The following GJD4 variants were observed in gnomAD, a reference collection of about 807,000 sequenced individuals.
GJD4 encodes the protein gap junction delta-4 protein.
Under a neutral mutation model 17.9 loss-of-function variants are expected in GJD4, and 18 were observed. The ratio of observed to expected loss-of-function variants is 1.00; its 90% CI spans 0.69 to 1.49. The LOEUF is 1.49. GJD4 is among the 40% of genes most tolerant of loss of function. The pLI, the probability that GJD4 is intolerant of heterozygous loss-of-function variation, is 0.00. For synonymous variants in GJD4, 293 were observed against 236.8 expected (o/e 1.24, Z -2.18); for missense variants, 639 against 506.9 (o/e 1.26, Z -2.50).
chr10:35,607,557 T>G lies in GJD4; in HGVS notation c.65-21T>G, dbSNP rs199615699. Reference sequence around the variant, plus strand: ...CAGTGTATTCGGGGTGATGAGGCCATGCCCGCTTCCTCTCTTCCAGGAAAG... The same window carrying G: ...CAGTGTATTCGGGGTGATGAGGCCAGGCCCGCTTCCTCTCTTCCAGGAAAG... On this transcript the variant is annotated intron_variant, in intron 1 of 1. Transcript: ENST00000321660. The G allele has an allele frequency of 3.5e-5, 55 of 1,585,822 alleles. 1 individual carries two copies. The East Asian group carries it at 1.1e-3, about 30-fold the overall frequency.
chr10:35,605,718 T>A, intron 1 of GJD4, 87 bp downstream of exon 1: 2 of 1,069,850 alleles, frequency 1.9e-6, no homozygotes, highest in Non-Finnish European at 2.9e-6. Flanking sequence ...GTCCAGGTAT[T>A]TACTCATTTT....
chr10:35,608,664 T>A lies in GJD4; in HGVS notation c.*38T>A. 1 of 1,416,610 alleles carries A rather than the reference T, an allele frequency of 7.1e-7. No homozygotes were observed. Among genetic ancestry groups the A allele is most frequent in the South Asian group, 1.5e-5 (1 of 67,360 alleles). The allele number at this position is 1,416,610 out of a possible 1,614,324, so 87.8% of individuals were successfully genotyped here. A position where few individuals can be genotyped will look rare whatever the true frequency, so the allele number is the denominator to read the frequency against. On this transcript the variant is annotated 3_prime_UTR_variant, in exon 2 of 2. Transcript: ENST00000321660. ...CTGGCGGTGCCCCGGGGCTCACGCC[T>A]GTAATCCCAACACTTTGGGAGGCCC...
In GJD4 at chr10:35,608,095, G is replaced by T. The variant is rs754768023; in HGVS notation, c.582G>T (p.Lys194Asn). 6 of 1,609,716 alleles carry T rather than the reference G, an allele frequency of 3.7e-6. No homozygotes were observed. Among genetic ancestry groups the T allele is most frequent in the Non-Finnish European group, 5.1e-6 (6 of 1,178,212 alleles). ...VDCYVSRPTE[K>N]SLLMLFLWAV... ...GCTACGTGTCGCGGCCCACAGAGAA[G>T]TCCCTGCTGATGCTGTTCCTCTGGG... The change falls in exon 2 of 2, where the codon AAG becomes AAT. Residue 194 changes from lysine (K) to asparagine (N), a missense_variant. Coordinates refer to ENST00000321660, the MANE Select transcript of GJD4 (RefSeq NM_153368.3).
intron 1 of GJD4, chr10:35,607,377 G>A (rs915897773): frequency 5.1e-6 from 3 of 587,474 alleles, no homozygotes; most frequent in Non-Finnish European, 9.1e-6. Flanking sequence ...CTTGAGGCCA[G>A]GAGTTCAAGA....
Position 35,608,463 on chromosome 10 carries a change from A to G in GJD4, c.950A>G (p.Glu317Gly). The stretch of plus-strand genomic sequence containing the variant: ...CAGCCCCGGGGCAGGCCCCACCGAG[A>G]GGCCGCCCAGGACCCCAGGGGCTCA... ...GRQPRGRPHR[E>G]AAQDPRGSGS... The change falls in exon 2 of 2, where the codon GAG becomes GGG. Residue 317 changes from glutamate (E) to glycine (G), a missense_variant. Physicochemically the swap from Glu to Gly is moderately conservative, Grantham distance 98. Coordinates refer to ENST00000321660, the MANE Select transcript of GJD4 (RefSeq NM_153368.3). 6.5e-7 allele frequency: 1 copy of G among 1,548,066 alleles called. No individual in the cohort carries two copies. The highest frequency in any genetic ancestry group is 8.7e-7 in the Non-Finnish European group (1 of 1,146,780).
In GJD4 at chr10:35,608,598, T is replaced by G; in HGVS notation, c.1085T>G (p.Leu362Arg). 6.6e-7 allele frequency: 1 copy of G among 1,521,114 alleles called. No homozygotes were observed. Among genetic ancestry groups the G allele is most frequent in the East Asian group, 2.3e-5 (1 of 42,726 alleles). 94.2% of individuals were successfully genotyped at this position (1,521,114 alleles called of 1,614,324 possible). The change falls in exon 2 of 2, where the codon CTG (leucine) becomes CGG (arginine). Residue 362 changes from leucine to arginine, a missense_variant. Coordinates refer to ENST00000321660, the MANE Select transcript of GJD4 (RefSeq NM_153368.3). ...PPASSSGAPH[L>R]RARKSEWV ...GCCAGCTCCAGTGGTGCTCCCCACC[T>G]GAGAGCCAGGAAGTCTGAGTGGGTG...
At chr10:35,607,556 A>G (rs999720017) in intron 1 of GJD4, 22 bp from the exon 2 acceptor site, 3 of 1,583,308 alleles carry the variant, frequency 1.9e-6, no homozygotes, top group Non-Finnish European at 2.6e-6. Flanking sequence ...TGATGAGGCC[A>G]TGCCCGCTTC....
At position 35,607,898 on chromosome 10, in the gene GJD4, G is replaced by C. The variant is rs747259722; in HGVS notation, c.385G>C (p.Gly129Arg). ...SGQRRCPRPF[G>R]ERGGLQVPDF... is the part of the protein sequence containing the mutation. ...GCAGAGACGCTGCCCGCGGCCATTCGGGGAGCGCGGCGGCCTCCAGGTGCC... is the reference window on the plus strand; with the variant it reads ...GCAGAGACGCTGCCCGCGGCCATTCCGGGAGCGCGGCGGCCTCCAGGTGCC... The change falls in exon 2 of 2, where the codon GGG becomes CGG. Residue 129 changes from glycine to arginine, a missense_variant. Physicochemically the swap from Gly to Arg is moderately radical, Grantham distance 125. Coordinates refer to ENST00000321660, the MANE Select transcript of GJD4 (RefSeq NM_153368.3). The C allele has an allele frequency of 1.0e-5, 16 of 1,594,394 alleles. No individual in the cohort carries two copies. Among genetic ancestry groups the C allele is most frequent in the South Asian group, 2.2e-5 (2 of 89,562 alleles).
At position 35,607,846 on chromosome 10, in the gene GJD4, C is replaced by G; in HGVS notation, c.333C>G (p.Cys111Trp). Reference sequence around the variant, plus strand: ...TCGCCGCGCTGGGCCCCCGCCGCTGCCCCGACCCCCGGGAGCCGGCCTCCG... The same window carrying G: ...TCGCCGCGCTGGGCCCCCGCCGCTGGCCCGACCCCCGGGAGCCGGCCTCCG... ...ATLAALGPRR[C>W]PDPREPASGQ... Residue 111 changes from cysteine (C) to tryptophan (W), a missense_variant, in exon 2 of 2, where the codon TGC becomes TGG. Transcript: ENST00000321660. The G allele has an allele frequency of 6.3e-7, 1 of 1,599,688 alleles. No individual in the cohort carries two copies. Among genetic ancestry groups the G allele is most frequent in the African/African-American group, 1.3e-5 (1 of 74,848 alleles).
At position 35,607,715 on chromosome 10, in the gene GJD4, G is replaced by A. The variant is rs776377605; in HGVS notation, c.202G>A (p.Val68Ile). 1.2e-6 allele frequency: 2 copies of A among 1,613,942 alleles called. No individual in the cohort carries two copies. Among genetic ancestry groups the A allele is most frequent in the South Asian group, 1.1e-5 (1 of 91,086 alleles). Reference protein sequence around the residue: ...QPGCANVCYDVFSPVSHLRFW... With the variant: ...QPGCANVCYDIFSPVSHLRFW... ...GGGATGCGCCAATGTTTGCTACGAC[G>A]TCTTCTCCCCCGTGTCTCACCTGCG... The change falls in exon 2 of 2, where the codon GTC becomes ATC. Residue 68 changes from valine to isoleucine, a missense_variant. Coordinates refer to ENST00000321660, the MANE Select transcript of GJD4 (RefSeq NM_153368.3).
chr10:35,608,535 C>A lies in GJD4; in HGVS notation c.1022C>A (p.Pro341His), dbSNP rs777579109. The A allele has an allele frequency of 1.3e-5, 20 of 1,557,816 alleles. No homozygotes were observed. In the African/African-American group the frequency reaches 2.0e-4, roughly 16 times the overall value. ...GCAGCCCCCAGCCGCCTGGCCGCGC[C>A]CCCTTCCTGCAGCAGCCTGCAGCCC... ...PSAAPSRLAAPPSCSSLQPPD... is the reference protein window; with the variant it reads ...PSAAPSRLAAHPSCSSLQPPD... The change falls in exon 2 of 2, where the codon CCC becomes CAC. Residue 341 changes from proline to histidine, a missense_variant. By Grantham distance (77) the Pro-to-His change is moderately conservative (BLOSUM62 -2). Coordinates refer to ENST00000321660, the MANE Select transcript of GJD4 (RefSeq NM_153368.3).
In GJD4 at chr10:35,605,902, A is replaced by C. The variant is rs144222838; in HGVS notation, c.64+271A>C. ...CTCTCACAGATCATCCTGTGCTGAC[A>C]CTGGGGTGCTGACTCCAAAGACCAA... On this transcript the variant is annotated intron_variant, in intron 1 of 1. Coordinates refer to ENST00000321660, the MANE Select transcript of GJD4 (RefSeq NM_153368.3). 94 of 469,274 alleles carry C rather than the reference A, an allele frequency of 2.0e-4. 1 individual carries two copies. In the East Asian group the frequency reaches 3.5e-3, roughly 17 times the overall value. The allele number at this position is 469,274 out of a possible 1,614,324, so 29.1% of individuals were successfully genotyped here.
Position 35,605,547 on chromosome 10 carries a change from A to G in GJD4, c.-21A>G, listed in dbSNP as rs1804426045. 1.2e-6 allele frequency: 2 copies of G among 1,609,418 alleles called. No individual in the cohort carries two copies. Among genetic ancestry groups the G allele is most frequent in the Non-Finnish European group, 8.5e-7 (1 of 1,175,768 alleles). Reference sequence around the variant, plus strand: ...CCCTCCAGTGTCTCCTGCAGCCTGGAGCCTGGGACATTCTGGAAGCATGGA... The same window carrying G: ...CCCTCCAGTGTCTCCTGCAGCCTGGGGCCTGGGACATTCTGGAAGCATGGA... On this transcript the variant is annotated 5_prime_UTR_variant, in exon 1 of 2. Transcript: ENST00000321660.
At chr10:35,607,542 G>C in intron 1 of GJD4, 36 bp from the exon 2 acceptor site, 1 of 1,454,900 alleles carries the variant, frequency 6.9e-7, no homozygotes, top group Non-Finnish European at 9.6e-7. Flanking sequence ...CAGTGTATTC[G>C]GGGTGATGAG....
rs1455288498 is a variant in GJD4 at position 35,608,377 on chromosome 10, G to C, written c.864G>C (p.Thr288=). ...PRRTSRVSGH[T]KIPDEDESEV... Reference sequence around the variant, plus strand: ...GTACATCCAGGGTGTCAGGGCACACGAAGATTCCGGATGAGGATGAGAGTG... The same window carrying C: ...GTACATCCAGGGTGTCAGGGCACACCAAGATTCCGGATGAGGATGAGAGTG... Residue 288 remains threonine, a synonymous_variant, in exon 2 of 2, where the codon ACG becomes ACC. Coordinates refer to ENST00000321660, the MANE Select transcript of GJD4 (RefSeq NM_153368.3). 2 of 1,551,838 alleles carry C rather than the reference G, an allele frequency of 1.3e-6. No individual in the cohort carries two copies. The highest frequency in any genetic ancestry group is 2.7e-5 in the African/African-American group (2 of 73,242).
intron 1 of GJD4, chr10:35,606,403 A>C (rs914830773): frequency 2.0e-5 from 3 of 152,132 alleles, no homozygotes; most frequent in African/African-American, 7.2e-5. Context: ...CCAAATCCCA[A>C]GTTTAGTTAT....
At position 35,608,740 on chromosome 10, in the gene GJD4, C is replaced by A; in HGVS notation, c.*114C>A. On this transcript the variant is annotated 3_prime_UTR_variant, in exon 2 of 2. Transcript: ENST00000321660. The stretch of plus-strand genomic sequence containing the variant: ...ATCTCCTTGCCCAAGAGTTTGAGAC[C>A]AGCCTGGACAACATAATGAGACCCT... 2.7e-6 allele frequency: 2 copies of A among 728,528 alleles called. No individual in the cohort carries two copies. The highest frequency in any genetic ancestry group is 4.4e-6 in the Non-Finnish European group (2 of 457,890). 45.1% of individuals were successfully genotyped at this position (728,528 alleles called of 1,614,324 possible). A position where few individuals can be genotyped will look rare whatever the true frequency, so the allele number is the denominator to read the frequency against.
Position 35,608,692 on chromosome 10 carries a change from G to A in GJD4, c.*66G>A. The stretch of plus-strand genomic sequence containing the variant: ...AATCCCAACACTTTGGGAGGCCCAG[G>A]CAGGAGGATCGTTTGAGAATATATC... On this transcript the variant is annotated 3_prime_UTR_variant, in exon 2 of 2. Transcript: ENST00000321660. The A allele has an allele frequency of 8.3e-7, 1 of 1,199,550 alleles. No homozygotes were observed. The allele number at this position is 1,199,550 out of a possible 1,614,324, so 74.3% of individuals were successfully genotyped here. A position where few individuals can be genotyped will look rare whatever the true frequency, so the allele number is the denominator to read the frequency against.
chr10:35,606,386 C>T (rs186675555), intron 1 of GJD4: 9 of 152,110 alleles, frequency 5.9e-5, no homozygotes, highest in African/African-American at 1.9e-4. Flanking sequence ...CTCTTGTGCA[C>T]TTTAAACCAA....
Sources: gnomAD v4.1 joint callset for allele counts on GRCh38, gnomAD v4.1.1 for gene constraint, MANE v1.5 for transcripts, NCBI Gene and HGNC (gene_info 2026-07-23, HGNC 2026-07-21) for gene names.